Variants in CRHBP observed in about 807,000 individuals in gnomAD.
CRHBP encodes the protein corticotropin-releasing hormone-binding protein.
A neutral mutation model predicts 34.9 loss-of-function variants in CRHBP; 19 were observed. That is an observed-to-expected ratio of 0.55 (90% CI 0.38 to 0.80). The LOEUF is 0.80. CRHBP is among the 30% of genes least tolerant of loss of function. The probability of loss-of-function intolerance (pLI) is 0.00; values close to 1 mark genes in which losing one functional copy is unlikely to be tolerated. For missense variants in CRHBP, 328 were observed against 409.2 expected, an observed-to-expected ratio of 0.80 and a Z score of 1.71; for synonymous variants, 154 against 153.4, an observed-to-expected ratio of 1.00 and a Z score of -0.03.
intron 5 of CRHBP, among the ~76,000 whole-genome samples, chr5:76,960,398 GCCAGAGTGTGGTGAGC>G: frequency 6.6e-6 from 1 of 152,276 alleles, no homozygotes; most frequent in Non-Finnish European, 1.5e-5. Context: ...GATGGGCAGG[GCCAGAGTGTGGTGAGC>G]CCTGCAGGCC....
chr5:76,955,512 C>T (rs900043281), intron 3 of CRHBP, 141 bp from the exon 4 acceptor site: 28 of 657,462 alleles, frequency 4.3e-5, no homozygotes, highest in African/African-American at 1.6e-4. Context: ...AATGAAAAGG[C>T]GAGCAGGCAG....
At chr5:76,953,405 C>G in intron 1 of CRHBP, 190 bp downstream of exon 1, 1 of 830,452 alleles carries the variant, frequency 1.2e-6, no homozygotes, top group African/African-American at 1.7e-5. Flanking sequence ...TGCCTGCCTG[C>G]CTTCCTCTGG....
Position 76,980,312 on chromosome 5 carries a change from T to A in CRHBP, n.468-649T>A, listed in dbSNP as rs1746101625. 2.7e-5 allele frequency among the ~76,000 whole-genome samples: 4 copies of A among 150,550 alleles called. 1 individual carries two copies. In the South Asian group the frequency reaches 8.5e-4, roughly 32 times the overall value. Reference sequence around the variant, plus strand: ...GGGGCCAGGATTCAGACTTCAGTGATCTGACATCAAAGCTTGCTGGCTTTA... The same window carrying A: ...GGGGCCAGGATTCAGACTTCAGTGAACTGACATCAAAGCTTGCTGGCTTTA... On this transcript the variant is annotated intron_variant and non_coding_transcript_variant, in intron 3 of 3. Transcript: ENST00000514258.
rs34761141 is a variant in CRHBP at position 76,954,120 on chromosome 5, C to T, written c.267C>T (p.Pro89=). The part of the protein sequence containing the change: ...LHCAAFFISE[P]EEFITIHYDQ... ...GCGCAGCCTTCTTCATCAGCGAGCC[C>T]GAGGAGTTCATTACCATCCACTACG... The change falls in exon 3 of 7, where the codon CCC becomes CCT. Residue 89 remains proline (P), a synonymous_variant. Coordinates refer to ENST00000274368, the MANE Select transcript of CRHBP (RefSeq NM_001882.4). 8 of 1,614,048 alleles carry T rather than the reference C, an allele frequency of 5.0e-6. No homozygotes were observed. The South Asian group carries it at 6.6e-5, about 13-fold the overall frequency.
chr5:76,953,232 C>A lies in CRHBP; in HGVS notation c.81+17C>A. On this transcript the variant is annotated intron_variant, in intron 1 of 6. Transcript: ENST00000274368. The stretch of plus-strand genomic sequence containing the variant: ...TACCTAGAGGTGAGCCACCCCTGGA[C>A]TGACCCATCTCACCTTCCTTGCGTG... 2 of 1,610,690 alleles carry A rather than the reference C, an allele frequency of 1.2e-6. No individual in the cohort carries two copies. Among genetic ancestry groups the A allele is most frequent in the Non-Finnish European group, 1.7e-6 (2 of 1,176,934 alleles).
At chr5:76,976,992 C>T (rs1008164432) in intron 3 of CRHBP, among the ~76,000 whole-genome samples, 1 of 152,156 alleles carries the variant, frequency 6.6e-6, no homozygotes, top group Admixed American at 6.5e-5. Context: ...AATCCCTTCA[C>T]CCATCACATC....
chr5:76,963,404 T>A lies in CRHBP; in HGVS notation c.755T>A (p.Leu252Ter). The change falls in exon 6 of 7, where the codon TTG (leucine) becomes TAG (stop). Residue 252 changes from leucine to a stop codon, truncating the protein, a stop_gained. Transcript: ENST00000274368. LOFTEE classifies it high-confidence loss of function. ...GTGGAGCTGCTGGGAGGAACTGGATTGGACCCTTCCAAGATGACGCCTTTA... is the reference window on the plus strand; with the variant it reads ...GTGGAGCTGCTGGGAGGAACTGGATAGGACCCTTCCAAGATGACGCCTTTA... ...DFVELLGGTG[L>*]DPSKMTPLAD... 6.2e-7 allele frequency: 1 copy of A among 1,614,154 alleles called. No homozygotes were observed. The highest frequency in any genetic ancestry group is 8.5e-7 in the Non-Finnish European group (1 of 1,180,024).
intron 5 of CRHBP, among the ~76,000 whole-genome samples, chr5:76,961,338 A>G (rs73123941): frequency 0.021 from 3,266 of 152,062 alleles, 111 homozygotes; most frequent in African/African-American, 0.073. Context: ...TTTATTTCCT[A>G]CTTCTCTCTC....
chr5:76,963,338 C>G lies in CRHBP; in HGVS notation c.694-5C>G, dbSNP rs1745810952. On this transcript the variant is annotated splice_polypyrimidine_tract_variant and splice_region_variant and intron_variant, in intron 5 of 6. Transcript: ENST00000274368. Reference sequence around the variant, plus strand: ...GTGTCTTTCTCTGCTGCTTTATTCCCTTAGAAATCCTCAGCAGGTTGCGAG... The same window carrying G: ...GTGTCTTTCTCTGCTGCTTTATTCCGTTAGAAATCCTCAGCAGGTTGCGAG... The G allele has an allele frequency of 3.1e-6, 5 of 1,612,704 alleles. No homozygotes were observed. Among genetic ancestry groups the G allele is most frequent in the Non-Finnish European group, 4.2e-6 (5 of 1,178,800 alleles).
At chr5:76,973,420 T>TA (rs1311701812), downstream of CRHBP, among the ~76,000 whole-genome samples, 3 of 152,186 alleles carry the variant, frequency 2.0e-5, no homozygotes, top group African/African-American at 7.2e-5. Flanking sequence ...TGTTTTCCAG[T>TA]AAAATATCTC....
At chr5:76,957,106 C>T (rs997144446) in intron 4 of CRHBP, among the ~76,000 whole-genome samples, 3 of 151,808 alleles carry the variant, frequency 2.0e-5, no homozygotes, top group East Asian at 1.9e-4. Flanking sequence ...TTTGGGAGGC[C>T]GAGGAGGAGG....
intron 2 of CRHBP, among the ~76,000 whole-genome samples, chr5:76,974,705 T>C (rs965310538): frequency 2.0e-5 from 3 of 152,180 alleles, no homozygotes; most frequent in Non-Finnish European, 4.4e-5. Context: ...TTCAAATAAG[T>C]AGGTTGAATG....
intron 5 of CRHBP, 81 bp downstream of exon 5, chr5:76,958,970 G>A (rs1297723172): frequency 5.5e-6 from 8 of 1,443,394 alleles, no homozygotes; most frequent in Non-Finnish European, 7.5e-6. Context: ...GGGAAAACCT[G>A]GACACTAGCA....
intron 3 of CRHBP, 127 bp from the exon 4 acceptor site, chr5:76,955,526 G>A: frequency 1.4e-6 from 1 of 737,142 alleles, no homozygotes; most frequent in Non-Finnish European, 2.2e-6. Context: ...CAGGCAGAGT[G>A]TGGACTGTCG....
At chr5:76,953,357 T>C (rs1580088834) in intron 1 of CRHBP, 142 bp downstream of exon 1, 2 of 870,536 alleles carry the variant, frequency 2.3e-6, no homozygotes, top group East Asian at 2.6e-5. Context: ...TGGTTTCCCC[T>C]ATCCTGTTCT....
chr5:76,956,689 G>A (rs990448558), intron 4 of CRHBP, among the ~76,000 whole-genome samples: 9 of 151,050 alleles, frequency 6.0e-5, no homozygotes, highest in South Asian at 2.1e-4. Flanking sequence ...GCGCCACTGC[G>A]CTCCAGCCGG....
intron 4 of CRHBP, among the ~76,000 whole-genome samples, chr5:76,958,401 C>T (rs1486002101): frequency 3.3e-5 from 5 of 152,180 alleles, no homozygotes; most frequent in Non-Finnish European, 7.4e-5. Context: ...TTAAGCTGGA[C>T]TCTAGTTAAC....
Position 76,969,015 on chromosome 5 carries a change from GCACACACA to G in CRHBP, c.*139_*146del, listed in dbSNP as rs146359925. 3.5e-6 allele frequency: 3 copies of G among 860,682 alleles called. No individual in the cohort carries two copies. The highest frequency in any genetic ancestry group is 3.5e-5 in the African/African-American group (2 of 57,686). 53.3% of individuals were successfully genotyped at this position (860,682 alleles called of 1,614,324 possible). A position where few individuals can be genotyped will look rare whatever the true frequency, so the allele number is the denominator to read the frequency against. On this transcript the variant is annotated 3_prime_UTR_variant, in exon 7 of 7. Coordinates refer to ENST00000274368, the MANE Select transcript of CRHBP (RefSeq NM_001882.4). ...TATTCCCAGCCTTGAGCGCACGCGC[GCACACACA>G]CACACACATACACACACGCATTAAT...
At chr5:76,954,336 C>A (rs1170381905) in intron 3 of CRHBP, 150 bp downstream of exon 3, 4 of 925,026 alleles carry the variant, frequency 4.3e-6, no homozygotes, top group Non-Finnish European at 6.3e-6. Flanking sequence ...CGGAGAGGCG[C>A]GTTCGAGGAC....
Sources: allele counts gnomAD v4.1 joint callset (sites outside exome capture counted in the v4.1 genomes callset), GRCh38; gene constraint gnomAD v4.1.1; transcripts MANE v1.5; gene names NCBI Gene and HGNC (gene_info 2026-07-23, HGNC 2026-07-21).